Variants in PLEKHM3 observed in about 807,000 individuals in gnomAD.
PLEKHM3 encodes the protein pleckstrin homology domain-containing family M member 3.
Under a neutral mutation model 81.8 loss-of-function variants are expected in PLEKHM3, and 45 were observed. The ratio of observed to expected loss-of-function variants is 0.55; its 90% confidence interval spans 0.43 to 0.71. PLEKHM3 has a LOEUF of 0.71. Among genes scored for constraint, PLEKHM3 ranks in the 30% least tolerant of loss-of-function variants. The probability of loss-of-function intolerance (pLI) is 0.00; values close to 1 mark genes in which losing one functional copy is unlikely to be tolerated. For missense variants in PLEKHM3, 788 were observed against 924.3 expected, an observed-to-expected ratio of 0.85 and a Z score of 1.91; for synonymous variants, 352 against 356.4, an observed-to-expected ratio of 0.99 and a Z score of 0.14.
At chr2:208,024,047 G>A (rs1016513085) in intron 1 of PLEKHM3, among the ~76,000 whole-genome samples, 12 of 152,032 alleles carry the variant, frequency 7.9e-5, no homozygotes, top group Admixed American at 2.6e-4. Flanking sequence ...GGAGGCTGAG[G>A]TGGAAGGATC....
chr2:207,912,934 AAAAGCCAAGCTCAGG>A (rs995147355), intron 5 of PLEKHM3, among the ~76,000 whole-genome samples: 4 of 152,154 alleles, frequency 2.6e-5, no homozygotes, highest in African/African-American at 9.7e-5. Context: ...ATATGGACCT[AAAAGCCAAGCTCAGG>A]AAAGTGTGGG....
At chr2:207,840,326 G>A (rs1451578529) in intron 7 of PLEKHM3, among the ~76,000 whole-genome samples, 1 of 151,902 alleles carries the variant, frequency 6.6e-6, no homozygotes, top group Non-Finnish European at 1.5e-5. Flanking sequence ...TAACAGCTAG[G>A]ACTACAAGTG....
At chr2:207,840,528 T>G (rs1380407052) in intron 7 of PLEKHM3, among the ~76,000 whole-genome samples, 1 of 152,204 alleles carries the variant, frequency 6.6e-6, no homozygotes, top group Admixed American at 6.5e-5. Flanking sequence ...TTTTCACATC[T>G]ATTAATATCT....
intron 6 of PLEKHM3, among the ~76,000 whole-genome samples, chr2:207,885,087 G>A (rs749529818): frequency 6.6e-5 from 10 of 152,230 alleles, no homozygotes; most frequent in Non-Finnish European, 1.2e-4. Flanking sequence ...TGCAGAGTTA[G>A]TAAAATAAAA....
intron 6 of PLEKHM3, among the ~76,000 whole-genome samples, chr2:207,894,765 C>T (rs903368947): frequency 2.0e-5 from 3 of 152,120 alleles, no homozygotes; most frequent in Non-Finnish European, 2.9e-5. Context: ...TCTTTTAATA[C>T]GTTTGAAACA....
chr2:207,927,103 C>CT (rs1341973272), intron 5 of PLEKHM3, among the ~76,000 whole-genome samples: 3 of 151,918 alleles, frequency 2.0e-5, no homozygotes, highest in Admixed American at 6.6e-5. Flanking sequence ...GATTCTCTTG[C>CT]TTTTTTTTGT....
intron 2 of PLEKHM3, among the ~76,000 whole-genome samples, chr2:207,983,245 G>T (rs1487111979): frequency 2.0e-5 from 3 of 151,568 alleles, no homozygotes; most frequent in Non-Finnish European, 4.4e-5. Flanking sequence ...TACAGACGGG[G>T]TTTCGCCATG....
chr2:207,859,136 CTTTTTTTTTT>C (rs371493664), intron 7 of PLEKHM3, among the ~76,000 whole-genome samples: 1 of 118,356 alleles, frequency 8.4e-6, no homozygotes, highest in South Asian at 2.8e-4. Flanking sequence ...TTTTCTTTTT[CTTTTTTTTTT>C]TTTTTTTTGA....
At chr2:207,996,487 T>C (rs1384152078) in intron 2 of PLEKHM3, among the ~76,000 whole-genome samples, 3 of 152,222 alleles carry the variant, frequency 2.0e-5, no homozygotes, top group Non-Finnish European at 4.4e-5. Flanking sequence ...TGAGCACATA[T>C]TTTTGAGCAC....
At chr2:207,964,757 G>C (rs1026651008) in intron 3 of PLEKHM3, among the ~76,000 whole-genome samples, 1 of 151,922 alleles carries the variant, frequency 6.6e-6, no homozygotes, top group Non-Finnish European at 1.5e-5. Context: ...CACGCTCTTT[G>C]GGTTTTTATT....
intron 2 of PLEKHM3, 54 bp downstream of exon 2, chr2:208,000,975 AC>A: frequency 7.2e-7 from 1 of 1,385,184 alleles, no homozygotes. Flanking sequence ...TATCTGAGTC[AC>A]AGCCCCAAAA....
intron 2 of PLEKHM3, among the ~76,000 whole-genome samples, chr2:207,996,533 A>G (rs1011968974): frequency 2.0e-5 from 3 of 152,262 alleles, no homozygotes; most frequent in Non-Finnish European, 4.4e-5. Context: ...TGAAGATAAA[A>G]CAATGGGTAA....
intron 6 of PLEKHM3, among the ~76,000 whole-genome samples, chr2:207,901,925 A>G (rs938765757): frequency 6.6e-6 from 1 of 152,208 alleles, no homozygotes; most frequent in African/African-American, 2.4e-5. Flanking sequence ...CAGCGGACAC[A>G]GGCACTTGCC....
chr2:207,868,258 G>C (rs2092512817), intron 6 of PLEKHM3, among the ~76,000 whole-genome samples: 1 of 140,362 alleles, frequency 7.1e-6, no homozygotes. Flanking sequence ...TCCTTAACTG[G>C]TCAAAGCTTA....
chr2:207,899,893 T>A (rs1188888138), intron 6 of PLEKHM3: 3 of 152,138 alleles, frequency 2.0e-5, no homozygotes, highest in Admixed American at 6.5e-5. Flanking sequence ...CTCTGGCTCA[T>A]GATTATGGGC....
At position 207,976,539 on chromosome 2, in the gene PLEKHM3, T is replaced by C. The variant is rs1306212456; in HGVS notation, c.1546+112A>G. On this transcript the variant is annotated intron_variant, in intron 3 of 7. Transcript: ENST00000427836. The surrounding 1 kb of genome is among the most constrained non-coding windows in gnomAD (Gnocchi z 4.1). ...GCTTCTCGAGGAGAGATACTTTTTA[T>C]AAACAGGAGATAGCTGTGACTAGCC... 2 of 1,023,676 alleles carry C rather than the reference T, an allele frequency of 2.0e-6. No individual in the cohort carries two copies. Among genetic ancestry groups the C allele is most frequent in the African/African-American group, 3.2e-5 (2 of 61,722 alleles). 63.4% of individuals were successfully genotyped at this position (1,023,676 alleles called of 1,614,324 possible).
At chr2:207,907,480 C>T (rs565640688) in intron 6 of PLEKHM3, among the ~76,000 whole-genome samples, 65 of 151,220 alleles carry the variant, frequency 4.3e-4, no homozygotes, top group African/African-American at 8.7e-4. Context: ...CCAGCCTGGG[C>T]GACAGAGCAA....
intron 1 of PLEKHM3, among the ~76,000 whole-genome samples, chr2:208,018,343 G>T (rs1485031147): frequency 7.3e-6 from 1 of 137,790 alleles, no homozygotes; most frequent in African/African-American, 2.7e-5. Context: ...ACTGAACTCT[G>T]ACCTGGCAAC....
intron 5 of PLEKHM3, among the ~76,000 whole-genome samples, chr2:207,923,556 G>A (rs1008535332): frequency 2.6e-5 from 4 of 152,010 alleles, no homozygotes; most frequent in Non-Finnish European, 2.9e-5. Flanking sequence ...GCGGTGAGCC[G>A]AGATGGCACC....
Sources: gnomAD v4.1 joint callset for allele counts (sites outside exome capture counted in the v4.1 genomes callset) on GRCh38, gnomAD v4.1.1 for gene constraint, Gnocchi (gnomAD v3.1) non-coding constraint, MANE v1.5 for transcripts, NCBI Gene and HGNC (gene_info 2026-07-23, HGNC 2026-07-21) for gene names.